The following LINGO2 variants were observed in gnomAD, a reference collection of about 807,000 sequenced individuals.
The protein encoded by LINGO2 is leucine rich repeat and Ig domain containing 2, also known as leucine-rich repeat and immunoglobulin-like domain-containing nogo receptor-interacting protein 2.
Under a neutral mutation model 30.6 loss-of-function variants are expected in LINGO2, and 14 were observed. The ratio of observed to expected loss-of-function variants is 0.46; its 90% confidence interval spans 0.30 to 0.72. LINGO2 has a LOEUF of 0.72. Ranked by LOEUF, LINGO2 falls within the 30% of genes least tolerant of loss-of-function variation. The pLI, the probability that LINGO2 is intolerant of heterozygous loss-of-function variation, is 0.07. For synonymous variants in LINGO2, 317 were observed against 288.5 expected (o/e 1.10, Z -1.00); for missense variants, 729 against 751.7 (o/e 0.97, Z 0.35).
chr9:28,298,567 C>T (rs1460261444), intron 3 of LINGO2, among the ~76,000 whole-genome samples: 1 of 150,812 alleles, frequency 6.6e-6, no homozygotes, highest in Non-Finnish European at 1.5e-5. Flanking sequence ...CCTGTAATCC[C>T]AGCTACTCGG....
chr9:29,094,090 C>T, the LINGO2 span, among the ~76,000 whole-genome samples: 4 of 138,184 alleles, frequency 2.9e-5, no homozygotes, highest in Admixed American at 2.2e-4. Flanking sequence ...CTACTTGATC[C>T]CTTAACATCC....
chr9:29,078,477 T>A, the LINGO2 span, among the ~76,000 whole-genome samples: 7 of 152,084 alleles, frequency 4.6e-5, no homozygotes, highest in South Asian at 4.1e-4. Flanking sequence ...CTTAAGAAAT[T>A]CTTCTACTCT....
the LINGO2 span, among the ~76,000 whole-genome samples, chr9:28,977,811 C>T: frequency 3.9e-5 from 6 of 152,240 alleles, no homozygotes; most frequent in African/African-American, 7.2e-5. Flanking sequence ...GCTTCTGACA[C>T]ATTGAGCTGA....
At chr9:28,360,215 A>G (rs3843937) in intron 3 of LINGO2, among the ~76,000 whole-genome samples, 70,189 of 151,902 alleles carry the variant, frequency 0.46, 17,098 homozygotes, top group East Asian at 0.63. Context: ...TAAAATGAGA[A>G]AAATGAATTT....
At position 28,172,125 on chromosome 9, in the gene LINGO2, C is replaced by T. The variant is rs1228738737; in HGVS notation, c.-87+123083G>A. ...AAGAATTCACGGCCCGGCGCGGTGG[C>T]TCACGCCTGTAATCCCAGCACTTTG... On this transcript the variant is annotated intron_variant, in intron 4 of 5. Coordinates refer to ENST00000379992, the Ensembl canonical transcript of LINGO2. Among the ~76,000 whole-genome samples, 5 of 150,568 alleles carry T rather than the reference C, an allele frequency of 3.3e-5. No homozygotes were observed. The South Asian group carries it at 8.4e-4, about 25-fold the overall frequency.
chr9:28,981,528 G>A, the LINGO2 span, among the ~76,000 whole-genome samples: 78,192 of 151,848 alleles, frequency 0.51, 21,250 homozygotes, highest in Non-Finnish European at 0.6. Flanking sequence ...ACTTTCAAAT[G>A]AAGGCACCAA....
At chr9:28,242,573 T>A (rs1001959593) in intron 4 of LINGO2, among the ~76,000 whole-genome samples, 2 of 152,010 alleles carry the variant, frequency 1.3e-5, no homozygotes, top group Non-Finnish European at 2.9e-5. Context: ...CAGGAGAACT[T>A]CCCCAACCTA....
chr9:28,132,044 A>T (rs979424723), intron 4 of LINGO2, among the ~76,000 whole-genome samples: 6 of 152,314 alleles, frequency 3.9e-5, no homozygotes, highest in Admixed American at 3.3e-4. Context: ...CTGAACTTCC[A>T]TCTCTTTCTT....
At chr9:28,019,020 A>T (rs979409778) in intron 4 of LINGO2, among the ~76,000 whole-genome samples, 1 of 152,140 alleles carries the variant, frequency 6.6e-6, no homozygotes, top group Non-Finnish European at 1.5e-5. Flanking sequence ...AAATGAACAC[A>T]GGAACAGAAA....
At chr9:28,787,433 GATAA>G in the LINGO2 span, among the ~76,000 whole-genome samples, 3 of 152,044 alleles carry the variant, frequency 2.0e-5, no homozygotes, top group African/African-American at 7.2e-5. Context: ...CATCTTGTAG[GATAA>G]ATAATTTACA....
At chr9:28,891,331 T>A in the LINGO2 span, among the ~76,000 whole-genome samples, 2 of 152,016 alleles carry the variant, frequency 1.3e-5, no homozygotes, top group African/African-American at 2.4e-5. Flanking sequence ...TAGTAGTACC[T>A]ATCTCATAGT....
chr9:28,835,710 C>T, the LINGO2 span, among the ~76,000 whole-genome samples: 1 of 152,174 alleles, frequency 6.6e-6, no homozygotes, highest in African/African-American at 2.4e-5. Context: ...TTTTTCTGTT[C>T]AGAATGTCTT....
intron 2 of LINGO2, 131 bp from the exon 5 acceptor site, chr9:28,372,999 C>A (rs1423760791): frequency 9.9e-6 from 1 of 100,750 alleles, no homozygotes; most frequent in Admixed American, 1.2e-4. Flanking sequence ...AGGAAAGAAG[C>A]ATTTAACTAC....
At chr9:29,130,108 AAG>A in the LINGO2 span, among the ~76,000 whole-genome samples, 1 of 152,112 alleles carries the variant, frequency 6.6e-6, no homozygotes, top group Admixed American at 6.6e-5. Context: ...GTAATTGTAA[AAG>A]AAATTCTGTG....
At chr9:27,987,429 T>C (rs1308728801) in intron 5 of LINGO2, among the ~76,000 whole-genome samples, 1 of 151,860 alleles carries the variant, frequency 6.6e-6, no homozygotes, top group African/African-American at 2.4e-5. Flanking sequence ...TATGTGTCAC[T>C]GTGCCTGGCT....
chr9:28,901,063 CA>C, the LINGO2 span, among the ~76,000 whole-genome samples: 3 of 151,802 alleles, frequency 2.0e-5, no homozygotes, highest in Non-Finnish European at 4.4e-5. Context: ...ATCTTAAAAA[CA>C]ATAAGAGACT....
At chr9:29,138,412 C>A in the LINGO2 span, among the ~76,000 whole-genome samples, 2 of 152,122 alleles carry the variant, frequency 1.3e-5, no homozygotes, top group Admixed American at 1.3e-4. Flanking sequence ...TTAAACAGAA[C>A]CACTTGCAGG....
the LINGO2 span, among the ~76,000 whole-genome samples, chr9:28,930,570 C>T: frequency 6.6e-6 from 1 of 152,146 alleles, no homozygotes; most frequent in Non-Finnish European, 1.5e-5. The surrounding 1 kb of genome is among the most constrained non-coding windows in gnomAD (Gnocchi z 4.2). Flanking sequence ...TGATTTGACC[C>T]GACCAGTTCT....
chr9:28,456,713 C>A (rs1824864154), intron 2 of LINGO2, among the ~76,000 whole-genome samples: 1 of 152,088 alleles, frequency 6.6e-6, no homozygotes, highest in Admixed American at 6.6e-5. Context: ...ACAAACTGAA[C>A]ATACAAACAT....
Sources: allele counts gnomAD v4.1 joint callset (sites outside exome capture counted in the v4.1 genomes callset), GRCh38; gene constraint gnomAD v4.1.1; non-coding constraint Gnocchi (gnomAD v3.1); transcripts MANE v1.5; gene names NCBI Gene and HGNC (gene_info 2026-07-23, HGNC 2026-07-21).